The following AGMO variants were observed in gnomAD, a reference collection of about 807,000 sequenced individuals.
AGMO encodes the protein glyceryl-ether monooxygenase.
A neutral mutation model predicts 60.2 loss-of-function variants in AGMO; 75 were observed. The observed-to-expected ratio is 1.25, with a 90% CI of 1.03 to 1.51. The LOEUF is 1.51. Ranked by LOEUF, AGMO falls within the 40% of genes most tolerant of loss-of-function variation. The pLI, the probability that AGMO is intolerant of heterozygous loss-of-function variation, is 0.00. For synonymous variants in AGMO, 261 were observed against 177.1 expected (o/e 1.47, Z -3.76); for missense variants, 763 against 525.5 (o/e 1.45, Z -4.42).
At chr7:15,365,715 AC>A in intron 11 of AGMO, 96 bp from the exon 12 acceptor site, 2 of 809,778 alleles carry the variant, frequency 2.5e-6, no homozygotes, top group Non-Finnish European at 3.9e-6. Flanking sequence ...CTCAAGAAAT[AC>A]CTAGTATTTT....
intron 12 of AGMO, among the ~76,000 whole-genome samples, chr7:15,363,186 C>G (rs542361378): frequency 4.3e-4 from 65 of 152,340 alleles, no homozygotes; most frequent in African/African-American, 1.4e-3. Context: ...GATACAGTGT[C>G]AGGACCAAGA....
At chr7:15,392,876 G>C (rs986531324) in intron 6 of AGMO, among the ~76,000 whole-genome samples, 1 of 152,110 alleles carries the variant, frequency 6.6e-6, no homozygotes, top group African/African-American at 2.4e-5. Context: ...GCTTCGCCTA[G>C]CCTGCCTTAA....
chr7:15,533,618 C>G (rs974268696), intron 3 of AGMO, among the ~76,000 whole-genome samples: 1 of 152,024 alleles, frequency 6.6e-6, no homozygotes, highest in Admixed American at 6.6e-5. Flanking sequence ...TTTTCCTGAG[C>G]AGTATTTTCA....
intron 12 of AGMO, among the ~76,000 whole-genome samples, chr7:15,264,569 A>T (rs979371142): frequency 6.6e-6 from 1 of 152,108 alleles, no homozygotes; most frequent in South Asian, 2.1e-4. Context: ...TCTACAAGGA[A>T]CTTAAACAAA....
At chr7:15,409,630 A>C (rs972089202) in intron 5 of AGMO, among the ~76,000 whole-genome samples, 4 of 151,900 alleles carry the variant, frequency 2.6e-5, no homozygotes, top group African/African-American at 9.7e-5. Context: ...CATTCTTTAC[A>C]ACCTGTAAAA....
At chr7:15,269,043 T>A (rs748617660) in intron 12 of AGMO, among the ~76,000 whole-genome samples, 1 of 152,076 alleles carries the variant, frequency 6.6e-6, no homozygotes, top group East Asian at 1.9e-4. Context: ...AAGGAACAGA[T>A]AATAAAGAAT....
In AGMO at chr7:15,200,483, T is replaced by G. The variant is rs1781246080; in HGVS notation, c.*802A>C. The G allele has an allele frequency of 6.6e-6, 1 of 152,216 alleles. No individual in the cohort carries two copies. The highest frequency in any genetic ancestry group is 1.5e-5 in the Non-Finnish European group (1 of 68,060). The allele number at this position is 152,216 out of a possible 1,614,324, so 9.4% of individuals were successfully genotyped here. A position where few individuals can be genotyped will look rare whatever the true frequency, so the allele number is the denominator to read the frequency against. ...AACTAATTCTGACAAATTCTGTTCA[T>G]TTTTCTTTCAGTGATGTCTTTTTTC... On this transcript the variant is annotated 3_prime_UTR_variant, in exon 13 of 13. Transcript: ENST00000342526.
the AGMO span, among the ~76,000 whole-genome samples, chr7:15,169,115 G>A: frequency 5.3e-5 from 8 of 152,170 alleles, no homozygotes; most frequent in Non-Finnish European, 1.2e-4. Context: ...ATGAGCAGGA[G>A]GACTGCTGAC....
At chr7:15,375,796 A>G (rs1783430184) in intron 10 of AGMO, among the ~76,000 whole-genome samples, 3 of 152,146 alleles carry the variant, frequency 2.0e-5, no homozygotes. Context: ...TAATTTTTAC[A>G]TACACTTAAC....
chr7:15,142,935 C>T, the AGMO span, among the ~76,000 whole-genome samples: 1 of 152,140 alleles, frequency 6.6e-6, no homozygotes, highest in Non-Finnish European at 1.5e-5. Context: ...GTACTATTAT[C>T]TCCATATTAC....
intron 4 of AGMO, among the ~76,000 whole-genome samples, chr7:15,430,638 A>AG (rs1473614490): frequency 1.1e-4 from 12 of 113,708 alleles, no homozygotes; most frequent in Non-Finnish European, 8.0e-5. Flanking sequence ...TTTAAAAAAA[A>AG]AAAAAAAACT....
At chr7:15,491,259 C>A (rs1288233647) in intron 3 of AGMO, among the ~76,000 whole-genome samples, 1 of 152,020 alleles carries the variant, frequency 6.6e-6, no homozygotes, top group Non-Finnish European at 1.5e-5. Context: ...GAAATATGAG[C>A]AATACATAAT....
downstream of AGMO, among the ~76,000 whole-genome samples, chr7:15,198,257 CAGAG>C (rs1229360945): frequency 1.8e-5 from 1 of 56,534 alleles, no homozygotes; most frequent in East Asian, 4.9e-4. Context: ...GAGAGAGAGA[CAGAG>C]ACAGAGAGAG....
chr7:15,175,576 C>A, the AGMO span, among the ~76,000 whole-genome samples: 1 of 151,374 alleles, frequency 6.6e-6, no homozygotes, highest in African/African-American at 2.4e-5. Context: ...AGGTCTAATC[C>A]CTCTTCTTTT....
chr7:15,189,066 T>C, the AGMO span, among the ~76,000 whole-genome samples: 14 of 152,060 alleles, frequency 9.2e-5, no homozygotes, highest in East Asian at 5.8e-4. Context: ...TTGGGGAAAA[T>C]AGCATTTTTA....
At chr7:15,257,504 C>G (rs1306512035) in intron 12 of AGMO, among the ~76,000 whole-genome samples, 1 of 152,036 alleles carries the variant, frequency 6.6e-6, no homozygotes, top group African/African-American at 2.4e-5. Flanking sequence ...TATCAACTTT[C>G]CTAATTGTAA....
At chr7:15,393,918 A>AC (rs1784255322) in intron 6 of AGMO, among the ~76,000 whole-genome samples, 195 bp downstream of exon 6, 2 of 78,386 alleles carry the variant, frequency 2.6e-5, no homozygotes, top group African/African-American at 4.7e-5. Flanking sequence ...CCCCTACCCC[A>AC]CCCCACCCCA....
intron 10 of AGMO, among the ~76,000 whole-genome samples, chr7:15,381,296 T>A (rs1322838702): frequency 1.3e-5 from 2 of 151,974 alleles, no homozygotes; most frequent in Admixed American, 1.3e-4. Flanking sequence ...AAAGGTATAA[T>A]ATCAAGCATC....
At chr7:15,364,050 G>A (rs1301090753) in intron 12 of AGMO, among the ~76,000 whole-genome samples, 3 of 151,764 alleles carry the variant, frequency 2.0e-5, no homozygotes, top group Non-Finnish European at 4.4e-5. Context: ...CAACTGTAAT[G>A]CAGAATATAT....
Sources: gnomAD v4.1 joint callset for allele counts (sites outside exome capture counted in the v4.1 genomes callset) on GRCh38, gnomAD v4.1.1 for gene constraint, MANE v1.5 for transcripts, NCBI Gene and HGNC (gene_info 2026-07-23, HGNC 2026-07-21) for gene names.